SMURF1: variants seen among roughly 807,000 people sequenced by gnomAD.
SMURF1 encodes the protein E3 ubiquitin-protein ligase SMURF1.
SMURF1 carries 44 observed loss-of-function variants against 98.0 expected under a neutral mutation model. That is an observed-to-expected ratio of 0.45 (90% CI 0.35 to 0.58). SMURF1 has a LOEUF of 0.58. SMURF1 is among the 20% of genes least tolerant of loss of function. SMURF1 has a pLI of 0.00. For synonymous variants in SMURF1, 396 were observed against 374.9 expected, an observed-to-expected ratio of 1.06 and a Z score of -0.65; for missense variants, 687 against 938.4, an observed-to-expected ratio of 0.73 and a Z score of 3.50.
At chr7:99,049,223 G>T (rs1455289579) in intron 9 of SMURF1, 1 of 255,602 alleles carries the variant, frequency 3.9e-6, no homozygotes, top group Non-Finnish European at 7.5e-6. Context: ...GGCACTAGGG[G>T]GATAGCACGT....
intron 1 of SMURF1, among the ~76,000 whole-genome samples, chr7:99,085,579 C>T (rs1796662446): frequency 6.6e-6 from 1 of 152,154 alleles, no homozygotes; most frequent in South Asian, 2.1e-4. Context: ...ATTTATCATA[C>T]TCAATGAACC....
chr7:99,085,696 C>G (rs1204359953), intron 1 of SMURF1, among the ~76,000 whole-genome samples: 2 of 152,142 alleles, frequency 1.3e-5, no homozygotes, highest in African/African-American at 4.8e-5. Flanking sequence ...CATGTAGCCA[C>G]CCTTATAGTA....
chr7:99,087,408 A>G (rs1043704274), intron 1 of SMURF1, among the ~76,000 whole-genome samples: 2 of 152,100 alleles, frequency 1.3e-5, no homozygotes, highest in Admixed American at 6.6e-5. Context: ...AAAATTAAAC[A>G]CAAGAGTGAT....
At chr7:99,049,492 A>C in intron 9 of SMURF1, 71 bp downstream of exon 9, 1 of 1,480,474 alleles carries the variant, frequency 6.8e-7, no homozygotes, top group South Asian at 1.3e-5. Flanking sequence ...TAAATTCACA[A>C]AAATACCAGT....
intron 1 of SMURF1, among the ~76,000 whole-genome samples, chr7:99,117,765 T>C (rs1797492821): frequency 6.6e-6 from 1 of 152,134 alleles, no homozygotes; most frequent in Non-Finnish European, 1.5e-5. Context: ...TTGGAAATCA[T>C]ATATCTGATG....
At chr7:99,126,692 G>A (rs1797753986) in intron 1 of SMURF1, among the ~76,000 whole-genome samples, 1 of 152,204 alleles carries the variant, frequency 6.6e-6, no homozygotes, top group Non-Finnish European at 1.5e-5. Context: ...AGTTTAATTA[G>A]AAATTATGTA....
chr7:99,143,452 G>T (rs1192189745), intron 1 of SMURF1, among the ~76,000 whole-genome samples: 6 of 144,516 alleles, frequency 4.2e-5, no homozygotes, highest in Non-Finnish European at 7.7e-5. Context: ...GGAAATGAGA[G>T]GGGCGGGGCC....
chr7:99,038,269 T>G, intron 14 of SMURF1, 119 bp downstream of exon 14: 1 of 1,234,674 alleles, frequency 8.1e-7, no homozygotes. Flanking sequence ...TCATGTGATC[T>G]GATCATAAGC....
intron 15 of SMURF1, 126 bp from the exon 16 acceptor site, chr7:99,035,842 G>C (rs1795114838): frequency 1.2e-6 from 1 of 867,556 alleles, no homozygotes; most frequent in East Asian, 2.7e-5. Context: ...CTGTGTACTA[G>C]GCAGATGTTG....
At chr7:99,052,940 T>C (rs963012142) in intron 6 of SMURF1, among the ~76,000 whole-genome samples, 8 of 152,170 alleles carry the variant, frequency 5.3e-5, no homozygotes, top group African/African-American at 1.9e-4. Flanking sequence ...GGCACACGCC[T>C]GTGGTCCCAG....
chr7:99,105,875 C>T (rs1440278933), intron 1 of SMURF1, among the ~76,000 whole-genome samples: 1 of 152,192 alleles, frequency 6.6e-6, no homozygotes, highest in Non-Finnish European at 1.5e-5. Context: ...TCCCCTTCTC[C>T]CAACACATTT....
chr7:99,122,424 A>G (rs2150625615), intron 1 of SMURF1, among the ~76,000 whole-genome samples: 1 of 151,968 alleles, frequency 6.6e-6, no homozygotes, highest in Admixed American at 6.6e-5. Context: ...CAGGTGGATC[A>G]CCCAAGGTCA....
At chr7:99,041,740 A>C (rs1795393782) in intron 12 of SMURF1, among the ~76,000 whole-genome samples, 1 of 152,232 alleles carries the variant, frequency 6.6e-6, no homozygotes, top group Non-Finnish European at 1.5e-5. Flanking sequence ...TGTGGCTTAA[A>C]AAGCTAGTTC....
At chr7:99,076,868 T>C (rs2150563267) in intron 1 of SMURF1, among the ~76,000 whole-genome samples, 1 of 152,086 alleles carries the variant, frequency 6.6e-6, no homozygotes, top group Non-Finnish European at 1.5e-5. Flanking sequence ...TGTGTGTGCG[T>C]GTGCCTGCAT....
chr7:99,046,990 T>C (rs1052221831), intron 10 of SMURF1, among the ~76,000 whole-genome samples: 5 of 152,174 alleles, frequency 3.3e-5, no homozygotes, highest in African/African-American at 1.2e-4. Context: ...GGAGAATCTG[T>C]GCTCAGTCTC....
intron 1 of SMURF1, among the ~76,000 whole-genome samples, chr7:99,113,252 CAA>C (rs1191805954): frequency 6.6e-6 from 1 of 152,004 alleles, no homozygotes; most frequent in Admixed American, 6.5e-5. Context: ...ATGACAAAGA[CAA>C]AGAGAGAATC....
intron 1 of SMURF1, among the ~76,000 whole-genome samples, chr7:99,140,281 C>CTTTTTTT (rs11421940): frequency 1.0e-4 from 9 of 85,808 alleles, no homozygotes; most frequent in Admixed American, 1.7e-4. Context: ...CTTCAGTATC[C>CTTTTTTT]TTTTTTTTTT....
intron 1 of SMURF1, among the ~76,000 whole-genome samples, chr7:99,106,473 G>A (rs553959730): frequency 6.6e-6 from 1 of 152,260 alleles, no homozygotes; most frequent in Non-Finnish European, 1.5e-5. Flanking sequence ...GAAATTTTTT[G>A]GGAAACTATT....
At chr7:99,069,198 G>A (rs959908307) in intron 1 of SMURF1, among the ~76,000 whole-genome samples, 3 of 152,032 alleles carry the variant, frequency 2.0e-5, no homozygotes, top group Admixed American at 6.5e-5. Context: ...TAAATGTTTC[G>A]ACTGCTCTGG....
Sources: allele counts gnomAD v4.1 joint callset (sites outside exome capture counted in the v4.1 genomes callset), GRCh38; gene constraint gnomAD v4.1.1; transcripts MANE v1.5; gene names NCBI Gene and HGNC (gene_info 2026-07-23, HGNC 2026-07-21).